Variants in CFL2 observed in about 807,000 individuals in gnomAD.
CFL2 encodes cofilin 2.
Under a neutral mutation model 19.6 loss-of-function variants are expected in CFL2, and 10 were observed. The observed-to-expected ratio is 0.51, with a 90% CI of 0.31 to 0.86. The LOEUF (loss-of-function observed/expected upper bound fraction) is 0.86, where lower values mean the gene tolerates loss of function less well. Among genes scored for constraint, CFL2 ranks in the 40% least tolerant of loss-of-function variants. The probability of loss-of-function intolerance (pLI) is 0.04; values close to 1 mark genes in which losing one functional copy is unlikely to be tolerated. For synonymous variants in CFL2, 63 were observed against 66.7 expected (o/e 0.95, Z 0.27); for missense variants, 125 against 192.1 (o/e 0.65, Z 2.06).
rs550520785 is a variant in CFL2 at position 34,710,029 on chromosome 14, A to G, written c.*2836T>C. The G allele has an allele frequency of 6.5e-6, 1 of 152,848 alleles. No homozygotes were observed. The highest frequency in any genetic ancestry group is 1.9e-4 in the East Asian group (1 of 5,210). The allele number at this position is 152,848 out of a possible 1,614,324, so 9.5% of individuals were successfully genotyped here. A position where few individuals can be genotyped will look rare whatever the true frequency, so the allele number is the denominator to read the frequency against. On this transcript the variant is annotated 3_prime_UTR_variant, in exon 4 of 4. Transcript: ENST00000298159. ...ATTGTTGAGATTATTCCTTAACAAG[A>G]AAACACTTTTAAAAGAATTTCCTCC... is the stretch of plus-strand genomic sequence containing the variant.
rs1363636006 is a variant in CFL2, at chr14:34,711,616, G to GCTT, written c.*1246_*1248dup. On this transcript the variant is annotated 3_prime_UTR_variant, in exon 4 of 4. Coordinates refer to ENST00000298159, the MANE Select transcript of CFL2 (RefSeq NM_138638.5). ...CATTACGACCAAATAAGCAATAAGA[G>GCTT]CTTCCTGCTTCTACTATACAACTAC... 1.1e-5 allele frequency: 5 copies of GCTT among 452,354 alleles called. No individual in the cohort carries two copies. The highest frequency in any genetic ancestry group is 2.2e-5 in the Non-Finnish European group (5 of 225,964). 28.0% of individuals were successfully genotyped at this position (452,354 alleles called of 1,614,324 possible).
At chr14:34,713,691 C>G in intron 1 of CFL2, 130 bp from the exon 2 acceptor site, 2 of 1,612,912 alleles carry the variant, frequency 1.2e-6, no homozygotes, top group Non-Finnish European at 1.7e-6. Context: ...GTCGTCCAAT[C>G]AGATTTGTCA....
In CFL2 at chr14:34,710,290, G is replaced by A. The variant is rs1187197810; in HGVS notation, c.*2575C>T. 4.1e-6 allele frequency: 1 copy of A among 242,294 alleles called. No individual in the cohort carries two copies. The highest frequency in any genetic ancestry group is 8.2e-6 in the Non-Finnish European group (1 of 121,524). 15.0% of individuals were successfully genotyped at this position (242,294 alleles called of 1,614,324 possible). A position where few individuals can be genotyped will look rare whatever the true frequency, so the allele number is the denominator to read the frequency against. ...CTAAAATTAATTGCTGTAACACTCA[G>A]TTTTTAAAGAAAATTGTTATTGATA... On this transcript the variant is annotated 3_prime_UTR_variant, in exon 4 of 4. Transcript: ENST00000298159.
At position 34,709,195 on chromosome 14, in the gene CFL2, T is replaced by G. The variant is rs1171222714; in HGVS notation, c.*3670A>C. ...GAATAGTTTAAACAGATTATTGCAT[T>G]TACATAGCATTTTCCTGTTTTCAAA... On this transcript the variant is annotated 3_prime_UTR_variant, in exon 4 of 4. Coordinates refer to ENST00000298159, the MANE Select transcript of CFL2 (RefSeq NM_138638.5). 3.3e-5 allele frequency: 5 copies of G among 152,148 alleles called. No individual in the cohort carries two copies. The highest frequency in any genetic ancestry group is 1.2e-4 in the African/African-American group (5 of 41,432). The allele number at this position is 152,148 out of a possible 1,614,324, so 9.4% of individuals were successfully genotyped here.
rs1885243170 is a variant in CFL2 at position 34,710,432 on chromosome 14, C to G, written c.*2433G>C. The G allele has an allele frequency of 2.5e-6, 1 of 402,284 alleles. No individual in the cohort carries two copies. Among genetic ancestry groups the G allele is most frequent in the South Asian group, 1.9e-5 (1 of 52,896 alleles). The allele number at this position is 402,284 out of a possible 1,614,324, so 24.9% of individuals were successfully genotyped here. A position where few individuals can be genotyped will look rare whatever the true frequency, so the allele number is the denominator to read the frequency against. On this transcript the variant is annotated 3_prime_UTR_variant, in exon 4 of 4. Transcript: ENST00000298159. The stretch of plus-strand genomic sequence containing the variant: ...TGTTCTGAAGTATAAGTAAACACAT[C>G]TCAACAGCTTTACATATTTTCATAT...
At position 34,709,737 on chromosome 14, in the gene CFL2, GA is replaced by G. The variant is rs1885222811; in HGVS notation, c.*3127del. 8.3e-6 allele frequency: 1 copy of G among 120,230 alleles called. No individual in the cohort carries two copies. The highest frequency in any genetic ancestry group is 1.1e-4 in the Admixed American group (1 of 9,274). The allele number at this position is 120,230 out of a possible 1,614,324, so 7.4% of individuals were successfully genotyped here. A position where few individuals can be genotyped will look rare whatever the true frequency, so the allele number is the denominator to read the frequency against. On this transcript the variant is annotated 3_prime_UTR_variant, in exon 4 of 4. Coordinates refer to ENST00000298159, the MANE Select transcript of CFL2 (RefSeq NM_138638.5). The stretch of plus-strand genomic sequence containing the variant: ...GGGAAGGTTGAGTTTGAAGTGAGCT[GA>G]AATTTTGACACTGCACTCCAGCCTG...
At position 34,709,231 on chromosome 14, in the gene CFL2, A is replaced by G. The variant is rs1483062359; in HGVS notation, c.*3634T>C. ...TTTCCTGTTTTCAAAAACCATTTCC[A>G]TATTTAGTACTCAGGAAACATGGTA... is the stretch of plus-strand genomic sequence containing the variant. On this transcript the variant is annotated 3_prime_UTR_variant, in exon 4 of 4. Coordinates refer to ENST00000298159, the MANE Select transcript of CFL2 (RefSeq NM_138638.5). 6.6e-6 allele frequency: 1 copy of G among 152,156 alleles called. No homozygotes were observed. Among genetic ancestry groups the G allele is most frequent in the Non-Finnish European group, 1.5e-5 (1 of 68,022 alleles). The allele number at this position is 152,156 out of a possible 1,614,324, so 9.4% of individuals were successfully genotyped here.
chr14:34,714,514 T>C, intron 1 of CFL2, 24 bp downstream of exon 1: 1 of 1,574,766 alleles, frequency 6.4e-7, no homozygotes, highest in Non-Finnish European at 8.6e-7. Flanking sequence ...CGCCGCGGCC[T>C]CCCGGCCAGC....
rs764487308 is a variant in CFL2, at chr14:34,710,523, T to C, written c.*2342A>G. ...TAAAATATTGCCTTCAATATTTTAC[T>C]AATTAGCACCGTATACCTTTTAAAG... On this transcript the variant is annotated 3_prime_UTR_variant, in exon 4 of 4. Coordinates refer to ENST00000298159, the MANE Select transcript of CFL2 (RefSeq NM_138638.5). 4 of 438,816 alleles carry C rather than the reference T, an allele frequency of 9.1e-6. No individual in the cohort carries two copies. The highest frequency in any genetic ancestry group is 6.7e-5 in the South Asian group (4 of 59,850). 27.2% of individuals were successfully genotyped at this position (438,816 alleles called of 1,614,324 possible). A position where few individuals can be genotyped will look rare whatever the true frequency, so the allele number is the denominator to read the frequency against.
Position 34,713,078 on chromosome 14 carries a change from T to C in CFL2, c.370A>G (p.Ile124Val). 1 of 1,586,356 alleles carries C rather than the reference T, an allele frequency of 6.3e-7. No individual in the cohort carries two copies. Among genetic ancestry groups the C allele is most frequent in the Non-Finnish European group, 8.6e-7 (1 of 1,165,622 alleles). Residue 124 changes from isoleucine (I) to valine (V), a missense_variant, in exon 3 of 4, where the codon ATT (isoleucine) becomes GTT (valine). Ile to Val is a conservative substitution (Grantham distance 29). Coordinates refer to ENST00000298159, the MANE Select transcript of CFL2 (RefSeq NM_138638.5). Reference protein sequence around the residue: ...KMIYASSKDAIKKKFTGIKHE... With the variant: ...KMIYASSKDAVKKKFTGIKHE... ...TTTGTACCTGTAAATTTCTTTTTAA[T>C]GGCATCTTTAGAGCTAGCATAAATC... is the stretch of plus-strand genomic sequence containing the variant.
In CFL2 at chr14:34,712,081, T is replaced by C. The variant is rs1487807068; in HGVS notation, c.*784A>G. ...GGTGGGGAGTTTGATCTCAAAACAA[T>C]GTTCCATTTAAGGCTCTTTTATACA... On this transcript the variant is annotated 3_prime_UTR_variant, in exon 4 of 4. Coordinates refer to ENST00000298159, the MANE Select transcript of CFL2 (RefSeq NM_138638.5). The C allele has an allele frequency of 2.2e-6, 1 of 454,562 alleles. No individual in the cohort carries two copies. Among genetic ancestry groups the C allele is most frequent in the Admixed American group, 2.3e-5 (1 of 42,578 alleles). The allele number at this position is 454,562 out of a possible 1,614,324, so 28.2% of individuals were successfully genotyped here.
chr14:34,713,198 A>G (rs750722327), intron 2 of CFL2, 56 bp downstream of exon 2: 13 of 1,545,252 alleles, frequency 8.4e-6, no homozygotes, highest in Non-Finnish European at 8.8e-6. Flanking sequence ...AAGACTGACT[A>G]TGATAATAAT....
intron 1 of CFL2, 37 bp from the exon 2 acceptor site, chr14:34,713,598 A>T (rs759900342): frequency 8.1e-6 from 13 of 1,613,858 alleles, no homozygotes; most frequent in Non-Finnish European, 1.1e-5. Context: ...CAGAACACGT[A>T]TTTTGGTTTT....
chr14:34,714,369 G>C lies in CFL2; in HGVS notation c.3+169C>G, dbSNP rs908575127. The C allele has an allele frequency of 3.6e-5, 42 of 1,152,406 alleles. No individual in the cohort carries two copies. In the South Asian group the frequency reaches 6.2e-4, roughly 17 times the overall value. 71.4% of individuals were successfully genotyped at this position (1,152,406 alleles called of 1,614,324 possible). ...AAAATCCAAAGAGCAGCAGGGCAGG[G>C]CCTGACGGCCGGAGGGCAGGCCGGT... is the stretch of plus-strand genomic sequence containing the variant. On this transcript the variant is annotated intron_variant, in intron 1 of 3. Transcript: ENST00000298159.
chr14:34,711,649 T>C lies in CFL2; in HGVS notation c.*1216A>G, dbSNP rs1389613620. The stretch of plus-strand genomic sequence containing the variant: ...CTTCTACTATACAACTACTTAGAAA[T>C]GTAAATGTGAATAAAAAAATAACTA... On this transcript the variant is annotated 3_prime_UTR_variant, in exon 4 of 4. Coordinates refer to ENST00000298159, the MANE Select transcript of CFL2 (RefSeq NM_138638.5). 2 of 445,464 alleles carry C rather than the reference T, an allele frequency of 4.5e-6. No individual in the cohort carries two copies. The highest frequency in any genetic ancestry group is 1.6e-5 in the South Asian group (1 of 61,880). The allele number at this position is 445,464 out of a possible 1,614,324, so 27.6% of individuals were successfully genotyped here. A position where few individuals can be genotyped will look rare whatever the true frequency, so the allele number is the denominator to read the frequency against.
chr14:34,710,514 ATATTTTAC>A lies in CFL2; in HGVS notation c.*2343_*2350del. 1 of 440,866 alleles carries A rather than the reference ATATTTTAC, an allele frequency of 2.3e-6. No homozygotes were observed. The highest frequency in any genetic ancestry group is 4.5e-6 in the Non-Finnish European group (1 of 222,064). 27.3% of individuals were successfully genotyped at this position (440,866 alleles called of 1,614,324 possible). ...AGCTAGCAGTAAAATATTGCCTTCA[ATATTTTAC>A]TAATTAGCACCGTATACCTTTTAAA... On this transcript the variant is annotated 3_prime_UTR_variant, in exon 4 of 4. Transcript: ENST00000298159.
chr14:34,713,946 T>C, intron 1 of CFL2: 1 of 842,448 alleles, frequency 1.2e-6, no homozygotes, highest in Non-Finnish European at 1.8e-6. Context: ...GCTTCTACTA[T>C]TTTTTTCTTT....
chr14:34,713,380 T>A lies in CFL2; in HGVS notation c.185A>T (p.Asp62Val). 2 of 1,614,056 alleles carry A rather than the reference T, an allele frequency of 1.2e-6. No homozygotes were observed. Among genetic ancestry groups the A allele is most frequent in the East Asian group, 2.2e-5 (1 of 44,870 alleles). ...AKQILVGDIG[D>V]TVEDPYTSFV... Reference sequence around the variant, plus strand: ...AGATGTGTAGGGGTCCTCTACAGTATCACCAATGTCACCCACCAAGATCTG... The same window carrying A: ...AGATGTGTAGGGGTCCTCTACAGTAACACCAATGTCACCCACCAAGATCTG... Residue 62 changes from aspartate (D) to valine (V), a missense_variant, in exon 2 of 4, where the codon GAT becomes GTT. Transcript: ENST00000298159.
At chr14:34,713,640 C>CA in intron 1 of CFL2, 79 bp from the exon 2 acceptor site, 1 of 1,613,892 alleles carries the variant, frequency 6.2e-7, no homozygotes, top group South Asian at 1.1e-5. Context: ...AGAGAAGACT[C>CA]ACTTTAGTCT....
Sources: gnomAD v4.1 joint callset for allele counts on GRCh38, gnomAD v4.1.1 for gene constraint, MANE v1.5 for transcripts, NCBI Gene and HGNC (gene_info 2026-07-23, HGNC 2026-07-21) for gene names.